Variants in ALKBH5 observed in about 807,000 individuals in gnomAD.
ALKBH5 encodes the protein RNA demethylase ALKBH5.
A neutral mutation model predicts 32.1 loss-of-function variants in ALKBH5; 2 were observed. The ratio of observed to expected loss-of-function variants is 0.06; its 90% CI spans 0.03 to 0.20. The LOEUF is 0.20. Ranked by LOEUF, ALKBH5 falls within the 10% of genes least tolerant of loss-of-function variation. ALKBH5 has a pLI of 1.00. For missense variants in ALKBH5, 352 were observed against 559.5 expected (o/e 0.63, Z 3.74); for synonymous variants, 300 against 231.7 (o/e 1.29, Z -2.68).
In ALKBH5 at chr17:18,208,613, A is replaced by G. The variant is rs2047285528; in HGVS notation, c.*217A>G. On this transcript the variant is annotated 3_prime_UTR_variant, in exon 4 of 4. Transcript: ENST00000399138. ...CTCATATTCTTGGTATTCCTCCTGG[A>G]TGGAAAGGCTGTTGGCATCAATAGG... The G allele has an allele frequency of 1.5e-6, 1 of 668,174 alleles. No individual in the cohort carries two copies. Among genetic ancestry groups the G allele is most frequent in the East Asian group, 3.0e-5 (1 of 33,662 alleles). The allele number at this position is 668,174 out of a possible 1,614,324, so 41.4% of individuals were successfully genotyped here.
chr17:18,200,656 A>C (rs2047231170), intron 2 of ALKBH5, among the ~76,000 whole-genome samples: 1 of 152,186 alleles, frequency 6.6e-6, no homozygotes, highest in African/African-American at 2.4e-5. Context: ...GCAGACATTT[A>C]GCATCTCAAC....
At chr17:18,192,330 G>C (rs145468836) in intron 1 of ALKBH5, among the ~76,000 whole-genome samples, 62 of 152,316 alleles carry the variant, frequency 4.1e-4, no homozygotes, top group African/African-American at 1.5e-3. Flanking sequence ...CCCTTTCCAG[G>C]AGTGTCAACC....
In ALKBH5 at chr17:18,208,769, TC is replaced by T; in HGVS notation, c.*374del. 2.8e-6 allele frequency: 1 copy of T among 352,658 alleles called. No individual in the cohort carries two copies. The highest frequency in any genetic ancestry group is 4.5e-5 in the Admixed American group (1 of 22,320). 21.8% of individuals were successfully genotyped at this position (352,658 alleles called of 1,614,324 possible). ...TTTGGTTAAGAAAATTATTTTGCTT[TC>T]AGTGTAAATCTTCGCAGTGTTCTAA... On this transcript the variant is annotated 3_prime_UTR_variant, in exon 4 of 4. Transcript: ENST00000399138.
chr17:18,207,432 G>A (rs532330308), intron 3 of ALKBH5, among the ~76,000 whole-genome samples: 331 of 152,328 alleles, frequency 2.2e-3, no homozygotes, highest in African/African-American at 7.6e-3. Flanking sequence ...GGAGGCCAAG[G>A]CAGGCAGATC....
chr17:18,203,724 A>T (rs143036715), intron 2 of ALKBH5, among the ~76,000 whole-genome samples: 1 of 152,216 alleles, frequency 6.6e-6, no homozygotes, highest in Non-Finnish European at 1.5e-5. Context: ...AAGTTAAGCT[A>T]CTGGTGGGCA....
intron 3 of ALKBH5, among the ~76,000 whole-genome samples, chr17:18,207,383 G>A (rs761373713): frequency 4.6e-5 from 7 of 152,134 alleles, no homozygotes; most frequent in Non-Finnish European, 1.0e-4. Context: ...AAATGTTTTG[G>A]CCGGCACAGT....
intron 1 of ALKBH5, among the ~76,000 whole-genome samples, chr17:18,185,409 T>G (rs1734901): frequency 0.59 from 89,001 of 150,688 alleles, 27,271 homozygotes; most frequent in Middle Eastern, 0.69. Flanking sequence ...TTTTTTTTTT[T>G]AATTTATCTA....
At position 18,206,877 on chromosome 17, in the gene ALKBH5, G is replaced by C. The variant is rs2047271754; in HGVS notation, c.914G>C (p.Ser305Thr). 1.9e-6 allele frequency: 3 copies of C among 1,614,224 alleles called. No individual in the cohort carries two copies. Among genetic ancestry groups the C allele is most frequent in the Non-Finnish European group, 1.7e-6 (2 of 1,180,034 alleles). Residue 305 changes from serine to threonine, a missense_variant, in exon 3 of 4, where the codon AGC becomes ACC. By Grantham distance (58) the Ser-to-Thr change is moderately conservative. Transcript: ENST00000399138. The part of the protein sequence containing the change: ...KSLSSSVLPP[S>T]YASDRLSGNN... ...CTGAGCAGCTCCGTGTTACCACCCAGCTATGCTTCAGATCGCCTGTCAGGA... is the reference window on the plus strand; with the variant it reads ...CTGAGCAGCTCCGTGTTACCACCCACCTATGCTTCAGATCGCCTGTCAGGA...
chr17:18,184,178 C>T lies in ALKBH5; in HGVS notation c.-66C>T. ...TCCCTCCGGGGGCCCCGGGGCGCGTCCCCTTAGAGCCATGCCCGGCTGCCC... is the reference window on the plus strand; with the variant it reads ...TCCCTCCGGGGGCCCCGGGGCGCGTTCCCTTAGAGCCATGCCCGGCTGCCC... On this transcript the variant is annotated 5_prime_UTR_variant, in exon 1 of 4. Transcript: ENST00000399138. 7.3e-7 allele frequency: 1 copy of T among 1,361,330 alleles called. No individual in the cohort carries two copies. The highest frequency in any genetic ancestry group is 9.7e-7 in the Non-Finnish European group (1 of 1,029,174). 84.3% of individuals were successfully genotyped at this position (1,361,330 alleles called of 1,614,324 possible). A position where few individuals can be genotyped will look rare whatever the true frequency, so the allele number is the denominator to read the frequency against.
intron 1 of ALKBH5, among the ~76,000 whole-genome samples, chr17:18,191,155 G>T (rs1010943671): frequency 6.6e-6 from 1 of 152,234 alleles, no homozygotes; most frequent in Non-Finnish European, 1.5e-5. Flanking sequence ...TAGCAAGTAG[G>T]TTCCTTAATA....
intron 1 of ALKBH5, 138 bp from the exon 2 acceptor site, chr17:18,194,817 T>C (rs1365088898): frequency 7.7e-6 from 5 of 645,812 alleles, no homozygotes; most frequent in African/African-American, 3.7e-5. Flanking sequence ...TTCCCTTCCA[T>C]GTAGATCCTT....
chr17:18,194,448 C>A (rs1276514341), intron 1 of ALKBH5, among the ~76,000 whole-genome samples: 2 of 152,156 alleles, frequency 1.3e-5, no homozygotes, highest in Non-Finnish European at 2.9e-5. Flanking sequence ...GCCATCACGC[C>A]CAGCCGGAAA....
At position 18,208,279 on chromosome 17, in the gene ALKBH5, C is replaced by T. The variant is rs2047281638; in HGVS notation, c.1068C>T (p.His356=). 1.2e-6 allele frequency: 2 copies of T among 1,614,118 alleles called. No homozygotes were observed. Among genetic ancestry groups the T allele is most frequent in the Non-Finnish European group, 1.7e-6 (2 of 1,179,994 alleles). The change falls in exon 4 of 4, where the codon CAC becomes CAT. Residue 356 remains histidine (H), a synonymous_variant. Transcript: ENST00000399138. ...GGCGCTCGGTGCTGCTGCCCACACA[C>T]CGGCGGAGGGGTAGCTTCAGCTCTG... ...ENRRSVLLPT[H]RRRGSFSSEN... is the part of the protein sequence containing the mutation.
At chr17:18,195,929 T>G (rs181509703) in intron 2 of ALKBH5, among the ~76,000 whole-genome samples, 16 of 152,224 alleles carry the variant, frequency 1.1e-4, no homozygotes, top group African/African-American at 1.9e-4. Flanking sequence ...GTCTGTCGTC[T>G]TCTTCCTTCC....
At chr17:18,202,307 CAAAACAAAAAACAA>C (rs368050591) in intron 2 of ALKBH5, among the ~76,000 whole-genome samples, 61 of 151,134 alleles carry the variant, frequency 4.0e-4, no homozygotes, top group African/African-American at 1.5e-3. Context: ...GACTCCGACT[CAAAACAAAAAACAA>C]AAAACAAAAA....
intron 1 of ALKBH5, among the ~76,000 whole-genome samples, chr17:18,188,370 C>G (rs561804025): frequency 8.5e-5 from 13 of 152,242 alleles, no homozygotes; most frequent in Non-Finnish European, 1.6e-4. Context: ...ACTGTATCAC[C>G]CAGGCACGGG....
intron 1 of ALKBH5, among the ~76,000 whole-genome samples, chr17:18,192,501 A>G (rs1251275334): frequency 6.6e-6 from 1 of 152,256 alleles, no homozygotes; most frequent in Non-Finnish European, 1.5e-5. Flanking sequence ...ATTATAAAGC[A>G]TAACAAAATG....
At chr17:18,204,657 G>GA (rs1421662805) in intron 2 of ALKBH5, among the ~76,000 whole-genome samples, 1 of 152,042 alleles carries the variant, frequency 6.6e-6, no homozygotes, top group Non-Finnish European at 1.5e-5. Flanking sequence ...AGCTGCTTGG[G>GA]AGGTTGAGGT....
chr17:18,200,922 G>A (rs1381037034), intron 2 of ALKBH5, among the ~76,000 whole-genome samples: 3 of 152,244 alleles, frequency 2.0e-5, no homozygotes, highest in African/African-American at 4.8e-5. Context: ...CTGGGGAGCC[G>A]TGGAGGCATG....
Sources: gnomAD v4.1 joint callset for allele counts (sites outside exome capture counted in the v4.1 genomes callset) on GRCh38, gnomAD v4.1.1 for gene constraint, MANE v1.5 for transcripts, NCBI Gene and HGNC (gene_info 2026-07-23, HGNC 2026-07-21) for gene names.